The following POU6F2 variants were observed in gnomAD, a reference collection of about 807,000 sequenced individuals.
POU6F2 encodes the protein POU class 6 homeobox 2, also known as POU domain, class 6, transcription factor 2.
In POU6F2, 31 loss-of-function variants were observed where a neutral mutation model predicts 71.3. The observed-to-expected ratio is 0.43, with a 90% CI of 0.33 to 0.59. The LOEUF is 0.59. Ranked by LOEUF, POU6F2 falls within the 20% of genes least tolerant of loss-of-function variation. The probability of loss-of-function intolerance (pLI) is 0.04; values close to 1 mark genes in which losing one functional copy is unlikely to be tolerated. For synonymous variants in POU6F2, 347 were observed against 355.7 expected (o/e 0.98, Z 0.27); for missense variants, 783 against 856.8 (o/e 0.91, Z 1.07).
chr7:39,279,847 A>G (rs914289906), intron 4 of POU6F2, among the ~76,000 whole-genome samples: 2 of 152,136 alleles, frequency 1.3e-5, no homozygotes, highest in African/African-American at 4.8e-5. Context: ...CCCGGGTTCA[A>G]GTGATTCTCC....
intron 2 of POU6F2, among the ~76,000 whole-genome samples, chr7:39,133,736 CTG>C (rs1359028613): frequency 1.3e-5 from 2 of 152,220 alleles, no homozygotes. Flanking sequence ...GCTTGGTAGA[CTG>C]TGCACTGTAC....
intron 2 of POU6F2, among the ~76,000 whole-genome samples, chr7:39,104,006 A>G (rs2128724209): frequency 6.6e-6 from 1 of 152,254 alleles, no homozygotes; most frequent in African/African-American, 2.4e-5. Flanking sequence ...TTAATGACAA[A>G]TACTGAGATC....
At chr7:38,988,516 T>C (rs1788517091) in intron 1 of POU6F2, among the ~76,000 whole-genome samples, 2 of 152,180 alleles carry the variant, frequency 1.3e-5, no homozygotes, top group Non-Finnish European at 2.9e-5. Context: ...TCAGTGGGGC[T>C]GTTGTAAACT....
At chr7:39,312,794 A>G (rs1428245905) in intron 4 of POU6F2, among the ~76,000 whole-genome samples, 1 of 152,190 alleles carries the variant, frequency 6.6e-6, no homozygotes, top group Non-Finnish European at 1.5e-5. Flanking sequence ...AGTGACTAAC[A>G]GGTGGGGAGT....
chr7:39,377,297 A>G (rs561224791), intron 5 of POU6F2, among the ~76,000 whole-genome samples: 1 of 152,020 alleles, frequency 6.6e-6, no homozygotes, highest in East Asian at 1.9e-4. Context: ...CACCTGGCTA[A>G]CTTTTGTAGT....
intron 3 of POU6F2, among the ~76,000 whole-genome samples, chr7:39,205,315 G>A (rs754964752): frequency 1.3e-5 from 2 of 152,094 alleles, no homozygotes; most frequent in Admixed American, 1.3e-4. Context: ...ATGTAATTAT[G>A]TGTGTCTGTG....
chr7:39,009,069 G>T (rs1339990391), intron 1 of POU6F2, among the ~76,000 whole-genome samples: 1 of 151,894 alleles, frequency 6.6e-6, no homozygotes, highest in Non-Finnish European at 1.5e-5. Flanking sequence ...GAAAGTCATT[G>T]GTAGCTTGAT....
chr7:38,997,450 C>T (rs1788770960), intron 1 of POU6F2, among the ~76,000 whole-genome samples: 1 of 152,226 alleles, frequency 6.6e-6, no homozygotes, highest in African/African-American at 2.4e-5. Flanking sequence ...GCTCCTGCAG[C>T]AATCTTCTAC....
intron 4 of POU6F2, among the ~76,000 whole-genome samples, chr7:39,256,412 G>A (rs1486594455): frequency 6.6e-6 from 1 of 152,138 alleles, no homozygotes; most frequent in Non-Finnish European, 1.5e-5. Context: ...ATTCTTTAGG[G>A]GGAAAGAGGT....
chr7:39,359,128 A>C (rs1786323991), intron 5 of POU6F2, among the ~76,000 whole-genome samples: 2 of 152,120 alleles, frequency 1.3e-5, no homozygotes, highest in Admixed American at 1.3e-4. Flanking sequence ...TTGCTTCTTA[A>C]GGTGATTCCC....
intron 4 of POU6F2, among the ~76,000 whole-genome samples, chr7:39,286,120 G>C (rs1784645731): frequency 1.3e-5 from 2 of 152,180 alleles, no homozygotes; most frequent in African/African-American, 2.4e-5. Context: ...GAGCAAGTGA[G>C]AGAGTTAACC....
At chr7:39,105,010 C>T (rs796688915) in intron 2 of POU6F2, among the ~76,000 whole-genome samples, 17 of 152,274 alleles carry the variant, frequency 1.1e-4, no homozygotes, top group African/African-American at 3.8e-4. Flanking sequence ...TCCTCACAGA[C>T]ATTAAGAGGT....
intron 5 of POU6F2, among the ~76,000 whole-genome samples, chr7:39,372,422 A>G (rs1343959636): frequency 6.6e-6 from 1 of 152,186 alleles, no homozygotes; most frequent in African/African-American, 2.4e-5. Flanking sequence ...CTATCTATAC[A>G]ATTCCTTATA....
intron 5 of POU6F2, among the ~76,000 whole-genome samples, chr7:39,350,616 T>G (rs1464615659): frequency 6.6e-6 from 1 of 152,112 alleles, no homozygotes; most frequent in Non-Finnish European, 1.5e-5. Flanking sequence ...AAAGCAAAAA[T>G]GGATGTTTTC....
At chr7:38,996,037 T>C (rs890153576) in intron 1 of POU6F2, among the ~76,000 whole-genome samples, 1,248 of 6,966 alleles carry the variant, frequency 0.18, 11 homozygotes, top group Middle Eastern at 0.3. Context: ...GGGCTTGGCT[T>C]TTTTTTTTTT....
At chr7:39,418,390 G>C (rs544615069) in intron 6 of POU6F2, among the ~76,000 whole-genome samples, 1 of 152,172 alleles carries the variant, frequency 6.6e-6, no homozygotes, top group South Asian at 2.1e-4. Flanking sequence ...GGAACTGAAG[G>C]CTCAGAAAAG....
At chr7:39,018,295 C>G (rs2128706033) in intron 1 of POU6F2, among the ~76,000 whole-genome samples, 1 of 152,252 alleles carries the variant, frequency 6.6e-6, no homozygotes, top group African/African-American at 2.4e-5. Flanking sequence ...GAAATGCTCT[C>G]TCCATGAAGT....
chr7:39,385,213 G>A (rs976621179), intron 5 of POU6F2, among the ~76,000 whole-genome samples: 2 of 152,196 alleles, frequency 1.3e-5, no homozygotes, highest in Non-Finnish European at 2.9e-5. Context: ...GTTAGAAAAT[G>A]AGACACAGTA....
intron 4 of POU6F2, among the ~76,000 whole-genome samples, chr7:39,307,782 A>G (rs965399686): frequency 4.6e-5 from 7 of 152,146 alleles, no homozygotes; most frequent in African/African-American, 1.7e-4. Context: ...AGCATGGTCA[A>G]CATGGCAAAA....
Sources: allele counts gnomAD v4.1 joint callset (sites outside exome capture counted in the v4.1 genomes callset), GRCh38; gene constraint gnomAD v4.1.1; transcripts MANE v1.5; gene names NCBI Gene and HGNC (gene_info 2026-07-23, HGNC 2026-07-21).